Variants in KCNIP4 observed in about 807,000 individuals in gnomAD.
KCNIP4 encodes the protein potassium voltage-gated channel interacting protein 4.
In KCNIP4, 12 loss-of-function variants were observed where a neutral mutation model predicts 34.0. The ratio of observed to expected loss-of-function variants is 0.35; its 90% CI spans 0.23 to 0.57. The LOEUF (loss-of-function observed/expected upper bound fraction) is 0.57. KCNIP4 is among the 20% of genes least tolerant of loss of function. The pLI is 0.83. For missense variants in KCNIP4, 238 were observed against 311.7 expected (o/e 0.76, Z 1.78); for synonymous variants, 124 against 102.2 (o/e 1.21, Z -1.29).
intron 1 of KCNIP4, among the ~76,000 whole-genome samples, chr4:20,946,209 T>G (rs1207833555): frequency 6.6e-6 from 1 of 152,094 alleles, no homozygotes; most frequent in Non-Finnish European, 1.5e-5. Context: ...GAAAACATGC[T>G]TTGAGAAACC....
At chr4:21,920,607 C>A (rs1418891543) in intron 1 of KCNIP4, among the ~76,000 whole-genome samples, 1 of 152,064 alleles carries the variant, frequency 6.6e-6, no homozygotes, top group Non-Finnish European at 1.5e-5. Flanking sequence ...GTACCCCAAC[C>A]TATTGAAATA....
At chr4:21,606,334 A>G (rs1743666802) in intron 1 of KCNIP4, among the ~76,000 whole-genome samples, 1 of 152,120 alleles carries the variant, frequency 6.6e-6, no homozygotes, top group Admixed American at 6.6e-5. Flanking sequence ...AGAGGAAGAG[A>G]GTTATCTTTC....
Position 21,045,146 on chromosome 4 carries a change from C to A in KCNIP4, c.62-162437G>T, listed in dbSNP as rs1224997662. On this transcript the variant is annotated intron_variant, in intron 1 of 8. Transcript: ENST00000382152. ...TCATGCTCCTCTATGAACAAGAGAT[C>A]TATAGTGTGTCCTACAGGGAAATTT... 3.3e-5 allele frequency among the ~76,000 whole-genome samples: 5 copies of A among 152,290 alleles called. No individual in the cohort carries two copies. The East Asian group carries it at 9.7e-4, about 29-fold the overall frequency.
At chr4:21,227,200 T>C (rs997887565) in intron 1 of KCNIP4, among the ~76,000 whole-genome samples, 2 of 152,200 alleles carry the variant, frequency 1.3e-5, no homozygotes, top group Admixed American at 6.5e-5. Context: ...GTAAAGTTGG[T>C]AATCATCTGT....
intron 3 of KCNIP4, among the ~76,000 whole-genome samples, chr4:20,777,531 T>C (rs188424629): frequency 6.6e-6 from 1 of 152,226 alleles, no homozygotes; most frequent in Admixed American, 6.5e-5. Flanking sequence ...CCTAGTGACA[T>C]AATGGAAATA....
intron 1 of KCNIP4, among the ~76,000 whole-genome samples, chr4:21,141,640 G>T (rs1024393637): frequency 7.2e-5 from 11 of 152,070 alleles, no homozygotes; most frequent in Non-Finnish European, 1.3e-4. Context: ...TACCATAGAA[G>T]AACTCAGATA....
At chr4:21,171,199 A>C (rs1424862829) in intron 1 of KCNIP4, among the ~76,000 whole-genome samples, 2 of 152,226 alleles carry the variant, frequency 1.3e-5, no homozygotes, top group African/African-American at 4.8e-5. Context: ...ATCTATGACA[A>C]AGTGAGCTAT....
chr4:21,711,736 G>T (rs894363459), intron 1 of KCNIP4, among the ~76,000 whole-genome samples: 2 of 152,102 alleles, frequency 1.3e-5, no homozygotes, highest in African/African-American at 4.8e-5. Context: ...GACAAAAAGG[G>T]AACTAATGAA....
intron 4 of KCNIP4, 45 bp from the exon 5 acceptor site, chr4:20,749,777 T>C (rs1423808175): frequency 7.4e-7 from 1 of 1,342,672 alleles, no homozygotes; most frequent in African/African-American, 1.4e-5. Context: ...TGTTTCCATA[T>C]CCTACATAAG....
At chr4:20,838,754 T>A (rs1398689974) in intron 3 of KCNIP4, among the ~76,000 whole-genome samples, 1 of 152,204 alleles carries the variant, frequency 6.6e-6, no homozygotes, top group African/African-American at 2.4e-5. Flanking sequence ...AGAGCAGAGC[T>A]GCCACATCAG....
intron 1 of KCNIP4, among the ~76,000 whole-genome samples, chr4:21,714,412 G>A (rs1713989323): frequency 6.6e-6 from 1 of 152,040 alleles, no homozygotes; most frequent in South Asian, 2.1e-4. Flanking sequence ...CATGGACAGA[G>A]AAGGAAAGGG....
rs1307943240 is a variant in KCNIP4 at position 21,291,862 on chromosome 4, AAAAAAAAAGAAAGAAAGAAAGAAAG to A, written c.62-409178_62-409154del. 8.4e-4 allele frequency among the ~76,000 whole-genome samples: 97 copies of A among 115,926 alleles called. 9 individuals carry two copies. Among genetic ancestry groups the A allele is most frequent in the African/African-American group, 1.1e-3 (31 of 27,608 alleles). The allele number at this position is 115,926 out of a possible 152,430, so 76.1% of individuals were successfully genotyped here. A position where few individuals can be genotyped will look rare whatever the true frequency, so the allele number is the denominator to read the frequency against. ...GAGTTAGACTCCGCCTCAAAAAAAA[AAAAAAAAAGAAAGAAAGAAAGAAAG>A]AAAGAAAGAAAGAAAGAAAGAAAGA... On this transcript the variant is annotated intron_variant, in intron 1 of 8. Transcript: ENST00000382152.
At chr4:20,730,233 C>T in intron 8 of KCNIP4, 104 bp from the exon 9 acceptor site, 2 of 1,368,620 alleles carry the variant, frequency 1.5e-6, no homozygotes, top group Non-Finnish European at 9.7e-7. Flanking sequence ...ACCTCAACCA[C>T]CTATGCCAAA....
chr4:21,375,366 T>C (rs1720868584), intron 1 of KCNIP4, among the ~76,000 whole-genome samples: 1 of 152,098 alleles, frequency 6.6e-6, no homozygotes, highest in Non-Finnish European at 1.5e-5. Context: ...AGCTGGCCCA[T>C]TGACTTGGGC....
intron 1 of KCNIP4, among the ~76,000 whole-genome samples, chr4:21,193,238 T>A (rs1313729810): frequency 6.6e-6 from 1 of 152,152 alleles, no homozygotes; most frequent in Non-Finnish European, 1.5e-5. Flanking sequence ...ACAAGCTATT[T>A]TTTAGGATCA....
intron 1 of KCNIP4, among the ~76,000 whole-genome samples, chr4:21,458,283 G>A (rs998383338): frequency 1.3e-5 from 2 of 151,576 alleles, no homozygotes; most frequent in South Asian, 2.1e-4. Flanking sequence ...TGAGAATGAT[G>A]ATTTCCAATT....
intron 1 of KCNIP4, among the ~76,000 whole-genome samples, chr4:21,053,823 T>C (rs751978666): frequency 2.6e-5 from 4 of 152,142 alleles, no homozygotes; most frequent in Non-Finnish European, 4.4e-5. Context: ...AAGATCTATA[T>C]GAGGAAAACT....
intron 1 of KCNIP4, among the ~76,000 whole-genome samples, chr4:21,314,816 A>C (rs1004128465): frequency 6.6e-6 from 1 of 152,346 alleles, no homozygotes; most frequent in Non-Finnish European, 1.5e-5. Flanking sequence ...TAAGGCAGAA[A>C]GAACTATCTA....
At chr4:20,803,074 C>CA (rs4054902) in intron 3 of KCNIP4, among the ~76,000 whole-genome samples, 2,145 of 77,994 alleles carry the variant, frequency 0.028, 55 homozygotes, top group Non-Finnish European at 0.04. Flanking sequence ...GACTCTGCCT[C>CA]AAAAAAAAAA....
Sources: gnomAD v4.1 joint callset for allele counts (sites outside exome capture counted in the v4.1 genomes callset) on GRCh38, gnomAD v4.1.1 for gene constraint, MANE v1.5 for transcripts, NCBI Gene and HGNC (gene_info 2026-07-23, HGNC 2026-07-21) for gene names.